EPHA6: variants seen among roughly 807,000 people sequenced by gnomAD.
The protein encoded by EPHA6 is EPH receptor A6, also known as ephrin type-A receptor 6.
EPHA6 carries 50 observed loss-of-function variants against 112.0 expected under a neutral mutation model. That is an observed-to-expected ratio of 0.45 (90% CI 0.36 to 0.56). EPHA6 has a LOEUF of 0.56. Ranked by LOEUF, EPHA6 falls within the 20% of genes least tolerant of loss-of-function variation. EPHA6 has a pLI of 0.00. For missense variants in EPHA6, 1,280 were observed against 1,417.4 expected, an observed-to-expected ratio of 0.90 and a Z score of 1.56; for synonymous variants, 529 against 490.7, an observed-to-expected ratio of 1.08 and a Z score of -1.03.
chr3:97,717,430 G>A (rs1357752694), intron 14 of EPHA6, among the ~76,000 whole-genome samples: 2 of 152,122 alleles, frequency 1.3e-5, no homozygotes, highest in Non-Finnish European at 2.9e-5. Context: ...ATTTCTCACA[G>A]TTCTAGAGGC....
At chr3:97,508,101 C>CA (rs1439134991) in intron 10 of EPHA6, among the ~76,000 whole-genome samples, 1 of 151,968 alleles carries the variant, frequency 6.6e-6, no homozygotes, top group African/African-American at 2.4e-5. Flanking sequence ...TTAATCATTT[C>CA]AAAAAACTGT....
intron 13 of EPHA6, among the ~76,000 whole-genome samples, chr3:97,630,340 A>G (rs1439431510): frequency 6.6e-6 from 1 of 151,944 alleles, no homozygotes; most frequent in Non-Finnish European, 1.5e-5. Context: ...AACTCAGACA[A>G]TTTTCAATAA....
At chr3:97,128,068 TACCC>T (rs2048231586) in intron 3 of EPHA6, among the ~76,000 whole-genome samples, 1 of 152,124 alleles carries the variant, frequency 6.6e-6, no homozygotes, top group Non-Finnish European at 1.5e-5. Flanking sequence ...TGTCTTTGCA[TACCC>T]ATAGCTCAGC....
chr3:97,618,946 C>G (rs1263674751), intron 13 of EPHA6, among the ~76,000 whole-genome samples: 2 of 152,102 alleles, frequency 1.3e-5, no homozygotes, highest in South Asian at 2.1e-4. Flanking sequence ...CAAAACCTGG[C>G]AGCAATACAA....
intron 2 of EPHA6, among the ~76,000 whole-genome samples, chr3:96,976,469 A>G (rs1384076102): frequency 1.3e-5 from 2 of 152,188 alleles, no homozygotes; most frequent in Non-Finnish European, 2.9e-5. Flanking sequence ...CATGATGTGT[A>G]GAGGTGACAA....
At chr3:96,825,287 T>G (rs1294834871) in intron 1 of EPHA6, among the ~76,000 whole-genome samples, 1 of 151,798 alleles carries the variant, frequency 6.6e-6, no homozygotes, top group Non-Finnish European at 1.5e-5. Flanking sequence ...AAGCTTTATC[T>G]TACCCTTTAA....
intron 16 of EPHA6, chr3:97,745,237 C>T: frequency 7.0e-6 from 2 of 285,994 alleles, no homozygotes; most frequent in Non-Finnish European, 6.9e-6. Context: ...TTTTATTTTA[C>T]AATATTGATT....
chr3:97,281,109 A>G (rs1327942170), intron 5 of EPHA6, among the ~76,000 whole-genome samples: 2 of 152,178 alleles, frequency 1.3e-5, no homozygotes, highest in Non-Finnish European at 2.9e-5. Context: ...AGATGACACT[A>G]GAGAGGTGTC....
At chr3:96,853,778 T>C (rs188386573) in intron 1 of EPHA6, among the ~76,000 whole-genome samples, 68 of 152,140 alleles carry the variant, frequency 4.5e-4, no homozygotes, top group African/African-American at 1.2e-3. Flanking sequence ...AAGTTTATTA[T>C]TGTGGCTTTG....
chr3:97,524,010 G>A (rs1175377188), intron 10 of EPHA6, among the ~76,000 whole-genome samples: 2 of 151,680 alleles, frequency 1.3e-5, no homozygotes, highest in Non-Finnish European at 3.0e-5. Context: ...ATTTTTGGAG[G>A]GAAAATATTA....
chr3:97,112,643 G>GT (rs149242710), intron 3 of EPHA6, among the ~76,000 whole-genome samples: 23,360 of 148,968 alleles, frequency 0.16, 1,998 homozygotes, highest in Non-Finnish European at 0.2. Context: ...ACTATGAGTG[G>GT]TTTTTTTTTT....
chr3:97,253,000 T>TG lies in EPHA6; in HGVS notation c.1606+8716dup, dbSNP rs1171103273. On this transcript the variant is annotated intron_variant, in intron 5 of 17. Coordinates refer to ENST00000389672, the MANE Select transcript of EPHA6 (RefSeq NM_001080448.3). ...AAATATTGAGCTATCTGTTATGTAG[T>TG]GGGAAAAAAAGATGCCTGTGTGTTT... Among the ~76,000 whole-genome samples the TG allele has an allele frequency of 3.9e-5, 6 of 152,202 alleles. No individual in the cohort carries two copies. The South Asian group carries it at 6.2e-4, about 16-fold the overall frequency.
rs151060237 is a variant in EPHA6, at chr3:97,469,996, A to G, written c.1895-5356A>G. Among the ~76,000 whole-genome samples, 475 of 151,700 alleles carry G rather than the reference A, an allele frequency of 3.1e-3. 2 individuals are homozygous for G. Among genetic ancestry groups the G allele is most frequent in the African/African-American group, 0.01 (419 of 41,456 alleles). On this transcript the variant is annotated intron_variant, in intron 7 of 17. Coordinates refer to ENST00000389672, the MANE Select transcript of EPHA6 (RefSeq NM_001080448.3). ...ATCAAGGATAACCCTATGCTTTTAA[A>G]CCCACGTGGCCCAAATGATAACAAT...
chr3:96,994,732 T>TATAGAGAG lies in EPHA6; in HGVS notation c.1114+6740_1114+6741insTAGAGAGA, dbSNP rs1170197805. On this transcript the variant is annotated intron_variant, in intron 3 of 17. Coordinates refer to ENST00000389672, the MANE Select transcript of EPHA6 (RefSeq NM_001080448.3). ...GTGTATATATATATATATATATATATAGAGAGAGAGAGAGAGAGAGAGAGA... is the reference window on the plus strand; with the variant it reads ...GTGTATATATATATATATATATATATATAGAGAGAGAGAGAGAGAGAGAGAGAGAGAGA... Among the ~76,000 whole-genome samples, 315 of 82,192 alleles carry TATAGAGAG rather than the reference T, an allele frequency of 3.8e-3. 1 individual carries two copies. Among genetic ancestry groups the TATAGAGAG allele is most frequent in the African/African-American group, 0.018 (282 of 15,534 alleles). The allele number at this position is 82,192 out of a possible 152,430, so 53.9% of individuals were successfully genotyped here.
intron 3 of EPHA6, among the ~76,000 whole-genome samples, chr3:97,132,787 T>A (rs2075666517): frequency 6.6e-6 from 1 of 152,056 alleles, no homozygotes; most frequent in African/African-American, 2.4e-5. Flanking sequence ...AGAAGAATAT[T>A]GTCCTGTAGT....
intron 5 of EPHA6, among the ~76,000 whole-genome samples, chr3:97,352,346 C>T (rs1030861693): frequency 2.6e-5 from 4 of 152,074 alleles, no homozygotes; most frequent in South Asian, 2.1e-4. Flanking sequence ...ATCAGGTGAG[C>T]GATTACAGTC....
chr3:97,730,198 C>T (rs1005190007), intron 15 of EPHA6, among the ~76,000 whole-genome samples: 2 of 152,026 alleles, frequency 1.3e-5, no homozygotes, highest in Admixed American at 1.3e-4. Flanking sequence ...ATGTGCATTG[C>T]CTTCTTTGAT....
chr3:97,466,994 C>T (rs181804379), intron 7 of EPHA6, among the ~76,000 whole-genome samples: 4 of 151,926 alleles, frequency 2.6e-5, no homozygotes, highest in East Asian at 3.9e-4. Context: ...AATCTTCCTA[C>T]GATTTTTTCG....
chr3:96,999,620 A>G (rs2043556679), intron 3 of EPHA6, among the ~76,000 whole-genome samples: 1 of 151,964 alleles, frequency 6.6e-6, no homozygotes, highest in Non-Finnish European at 1.5e-5. Flanking sequence ...ATTCTCTGCC[A>G]TGGAAGAGGA....
Sources: allele counts gnomAD v4.1 joint callset (sites outside exome capture counted in the v4.1 genomes callset), GRCh38; gene constraint gnomAD v4.1.1; transcripts MANE v1.5; gene names NCBI Gene and HGNC (gene_info 2026-07-23, HGNC 2026-07-21).